The following STXBP6 variants were observed in gnomAD, a reference collection of about 807,000 sequenced individuals.
STXBP6 encodes syntaxin binding protein 6.
STXBP6 carries 21 observed loss-of-function variants against 26.9 expected under a neutral mutation model. The observed-to-expected ratio is 0.78, with a 90% CI of 0.55 to 1.12. The LOEUF is 1.12. STXBP6 is among the 50% of genes most tolerant of loss of function. STXBP6 has a pLI of 0.00. For missense variants in STXBP6, 232 were observed against 257.9 expected, an observed-to-expected ratio of 0.90 and a Z score of 0.69; for synonymous variants, 97 against 92.6, an observed-to-expected ratio of 1.05 and a Z score of -0.27.
In STXBP6 at chr14:24,974,092, CAGAA is replaced by C. The variant is rs529369823; in HGVS notation, c.154+569_154+572del. Among the ~76,000 whole-genome samples, 651 of 150,070 alleles carry C rather than the reference CAGAA, an allele frequency of 4.3e-3. 4 individuals are homozygous for C. The highest frequency in any genetic ancestry group is 0.013 in the African/African-American group (544 of 40,834). The stretch of plus-strand genomic sequence containing the variant: ...CCCACAGATCTCCTACAATCACAAA[CAGAA>C]AGAGAAAGAAAAAAAAAAAACAAGA... On this transcript the variant is annotated intron_variant, in intron 2 of 5. Transcript: ENST00000323944.
At chr14:24,934,080 GA>G (rs755553571) in intron 2 of STXBP6, among the ~76,000 whole-genome samples, 1 of 152,096 alleles carries the variant, frequency 6.6e-6, no homozygotes, top group Non-Finnish European at 1.5e-5. Context: ...ATTCAAAGAT[GA>G]TCCCACAAAA....
chr14:24,892,074 A>G (rs1029669412), intron 2 of STXBP6, among the ~76,000 whole-genome samples: 2 of 152,140 alleles, frequency 1.3e-5, no homozygotes, highest in Non-Finnish European at 2.9e-5. Flanking sequence ...TATATGTTTG[A>G]AATTATTAGA....
At chr14:24,863,354 A>C (rs2069611445) in intron 2 of STXBP6, among the ~76,000 whole-genome samples, 1 of 152,174 alleles carries the variant, frequency 6.6e-6, no homozygotes, top group South Asian at 2.1e-4. Context: ...TTCTTGAGTC[A>C]GGTGGCTGCT....
At position 24,884,471 on chromosome 14, in the gene STXBP6, C is replaced by A. The variant is rs75100532; in HGVS notation, c.155-27314G>T. Among the ~76,000 whole-genome samples the A allele has an allele frequency of 7.2e-5, 11 of 152,240 alleles. No homozygotes were observed. The East Asian group carries it at 2.1e-3, about 29-fold the overall frequency. On this transcript the variant is annotated intron_variant, in intron 2 of 5. Coordinates refer to ENST00000323944, the MANE Select transcript of STXBP6 (RefSeq NM_001394410.1). ...AATCCTATTTTGACTCATTTTCCAGCGGACAGTAATTCTAATATAGCTTAC... is the reference window on the plus strand; with the variant it reads ...AATCCTATTTTGACTCATTTTCCAGAGGACAGTAATTCTAATATAGCTTAC...
At chr14:24,915,024 CTTTT>C (rs964860975) in intron 2 of STXBP6, among the ~76,000 whole-genome samples, 1 of 152,052 alleles carries the variant, frequency 6.6e-6, no homozygotes, top group African/African-American at 2.4e-5. Flanking sequence ...TCAACATTGT[CTTTT>C]TTTAAGGAGA....
intron 2 of STXBP6, among the ~76,000 whole-genome samples, chr14:24,901,728 C>T (rs2332449): frequency 0.66 from 100,882 of 151,912 alleles, 34,021 homozygotes; most frequent in South Asian, 0.77. Context: ...GTCTCAAAAA[C>T]GTACTGAATG....
chr14:24,965,714 C>T (rs981550203), intron 2 of STXBP6, among the ~76,000 whole-genome samples: 2 of 152,136 alleles, frequency 1.3e-5, no homozygotes, highest in Non-Finnish European at 2.9e-5. Context: ...GTACAGTCAG[C>T]GTTTTACCAT....
intron 1 of STXBP6, among the ~76,000 whole-genome samples, chr14:25,037,220 C>A (rs2075570688): frequency 6.6e-6 from 1 of 152,172 alleles, no homozygotes; most frequent in Non-Finnish European, 1.5e-5. Context: ...CACAGAGCCC[C>A]ATTTGACAGA....
At chr14:24,896,522 A>G (rs185439712) in intron 2 of STXBP6, among the ~76,000 whole-genome samples, 1 of 152,230 alleles carries the variant, frequency 6.6e-6, no homozygotes, top group Non-Finnish European at 1.5e-5. Context: ...AATCTGCATT[A>G]TAACAAGCAG....
intron 2 of STXBP6, among the ~76,000 whole-genome samples, chr14:24,918,644 T>C (rs553039720): frequency 6.6e-6 from 1 of 152,188 alleles, no homozygotes; most frequent in South Asian, 2.1e-4. Flanking sequence ...TCAATACGAA[T>C]GCTTTATTAA....
chr14:24,901,704 AAC>A (rs72409460), intron 2 of STXBP6, among the ~76,000 whole-genome samples: 48,564 of 151,964 alleles, frequency 0.32, 9,214 homozygotes, highest in Admixed American at 0.47. Flanking sequence ...TAACACATGA[AAC>A]AATATGGATG....
At chr14:25,012,944 A>G (rs2075063768) in intron 1 of STXBP6, among the ~76,000 whole-genome samples, 1 of 151,884 alleles carries the variant, frequency 6.6e-6, no homozygotes, top group South Asian at 2.1e-4. Context: ...AATAAAGGAA[A>G]TGGCCTGGAA....
chr14:25,011,698 A>G (rs1164541534), intron 1 of STXBP6, among the ~76,000 whole-genome samples: 1 of 152,194 alleles, frequency 6.6e-6, no homozygotes, highest in Admixed American at 6.5e-5. Context: ...GGCTTAAGGC[A>G]CCATTATTCA....
At chr14:24,950,324 T>A (rs1292183134) in intron 2 of STXBP6, among the ~76,000 whole-genome samples, 1 of 152,168 alleles carries the variant, frequency 6.6e-6, no homozygotes, top group Non-Finnish European at 1.5e-5. Flanking sequence ...AGCAATCATA[T>A]TCCTGGTATA....
intron 2 of STXBP6, among the ~76,000 whole-genome samples, chr14:24,892,434 G>A (rs2070824992): frequency 6.6e-6 from 1 of 152,188 alleles, no homozygotes. Flanking sequence ...CTTGGTAAAT[G>A]AGCCAGATGT....
chr14:24,839,132 T>C (rs1468373003), intron 4 of STXBP6, among the ~76,000 whole-genome samples: 1 of 152,128 alleles, frequency 6.6e-6, no homozygotes, highest in Non-Finnish European at 1.5e-5. Flanking sequence ...GAAAGTTGCA[T>C]TGTCTGTCCC....
At chr14:24,850,257 T>C (rs914892115) in intron 4 of STXBP6, among the ~76,000 whole-genome samples, 2 of 151,954 alleles carry the variant, frequency 1.3e-5, no homozygotes, top group African/African-American at 4.8e-5. Flanking sequence ...GAATCCAGAG[T>C]AAAGCCATTG....
chr14:24,936,508 T>C (rs935134993), intron 2 of STXBP6, among the ~76,000 whole-genome samples: 2 of 152,224 alleles, frequency 1.3e-5, no homozygotes, highest in African/African-American at 4.8e-5. Context: ...ATTAGATTTG[T>C]AAAGAATCTT....
chr14:25,017,423 T>C (rs2075173226), intron 1 of STXBP6, among the ~76,000 whole-genome samples: 1 of 152,214 alleles, frequency 6.6e-6, no homozygotes, highest in African/African-American at 2.4e-5. Context: ...CCATGAGAGA[T>C]GCAGAAACAG....
Sources: gnomAD v4.1 joint callset for allele counts (sites outside exome capture counted in the v4.1 genomes callset) on GRCh38, gnomAD v4.1.1 for gene constraint, MANE v1.5 for transcripts, NCBI Gene and HGNC (gene_info 2026-07-23, HGNC 2026-07-21) for gene names.